RPS6KA2: variants seen among roughly 807,000 people sequenced by gnomAD.
RPS6KA2 encodes ribosomal protein S6 kinase alpha-2.
A neutral mutation model predicts 91.8 loss-of-function variants in RPS6KA2; 42 were observed. The observed-to-expected ratio is 0.46, with a 90% CI of 0.36 to 0.59. The LOEUF (loss-of-function observed/expected upper bound fraction) is 0.59. Ranked by LOEUF, RPS6KA2 falls within the 20% of genes least tolerant of loss-of-function variation. RPS6KA2 has a pLI of 0.00. For missense variants in RPS6KA2, 798 were observed against 978.5 expected, an observed-to-expected ratio of 0.82 and a Z score of 2.46; for synonymous variants, 414 against 393.6, an observed-to-expected ratio of 1.05 and a Z score of -0.61.
intron 2 of RPS6KA2, among the ~76,000 whole-genome samples, chr6:166,831,447 T>A (rs547091539): frequency 3.3e-5 from 5 of 152,086 alleles, no homozygotes; most frequent in Admixed American, 2.0e-4. Context: ...GCATGACACC[T>A]TCCCCCCTGC....
chr6:166,798,776 C>T (rs1393829983), intron 2 of RPS6KA2, among the ~76,000 whole-genome samples: 3 of 152,252 alleles, frequency 2.0e-5, no homozygotes, highest in African/African-American at 4.8e-5. Context: ...CTGCCCCCTT[C>T]TCCACAGACA....
At chr6:166,641,804 C>T (rs1438757108) in intron 2 of RPS6KA2, among the ~76,000 whole-genome samples, 3 of 98,606 alleles carry the variant, frequency 3.0e-5, no homozygotes, top group Non-Finnish European at 4.1e-5. Flanking sequence ...CAAAGTCCAA[C>T]AAAGAGTTGG....
chr6:166,602,300 T>C (rs984991086), intron 1 of RPS6KA2, among the ~76,000 whole-genome samples: 3 of 152,214 alleles, frequency 2.0e-5, no homozygotes, highest in Admixed American at 6.5e-5. Context: ...TTTGGTAACA[T>C]TTACTATAGT....
intron 2 of RPS6KA2, among the ~76,000 whole-genome samples, chr6:166,534,187 A>G (rs1583250996): frequency 1.4e-5 from 2 of 141,130 alleles, no homozygotes; most frequent in East Asian, 4.5e-4. Context: ...CAGCCACTGC[A>G]GTCCGGCCTG....
intron 1 of RPS6KA2, among the ~76,000 whole-genome samples, chr6:166,559,210 C>T (rs888752053): frequency 6.6e-6 from 1 of 152,110 alleles, no homozygotes; most frequent in African/African-American, 2.4e-5. Context: ...TGGAATATGA[C>T]ACACCAGAAC....
At chr6:166,543,604 CT>C (rs1783728574) in intron 1 of RPS6KA2, among the ~76,000 whole-genome samples, 1 of 152,188 alleles carries the variant, frequency 6.6e-6, no homozygotes, top group Non-Finnish European at 1.5e-5. Context: ...CCACCTCCCC[CT>C]CTTTCTGTGT....
chr6:166,782,734 G>T (rs1352957198), intron 2 of RPS6KA2, among the ~76,000 whole-genome samples: 2 of 152,164 alleles, frequency 1.3e-5, no homozygotes, highest in African/African-American at 4.8e-5. Flanking sequence ...CCTACCTGAC[G>T]TCAGAACTGT....
intron 1 of RPS6KA2, among the ~76,000 whole-genome samples, chr6:166,619,894 G>A (rs1048022696): frequency 1.4e-4 from 22 of 152,284 alleles, no homozygotes; most frequent in African/African-American, 5.3e-4. Context: ...TTAAGTAGTC[G>A]CTAGGGCATT....
At chr6:166,531,349 A>G in intron 2 of RPS6KA2, 36 bp from the exon 3 acceptor site, 1 of 1,514,052 alleles carries the variant, frequency 6.6e-7, no homozygotes, top group Admixed American at 1.7e-5. Context: ...GAAACCCGTA[A>G]GACTTCAAAC....
At position 166,448,730 on chromosome 6, in the gene RPS6KA2, G is replaced by A. The variant is rs768158727; in HGVS notation, c.1326C>T (p.Ala442=). ...CTCAGCAGGCCTGCCTTACCTTCAC[G>A]GCATACTCGGTGTCTGTGGCTTTAT... The part of the protein sequence containing the change: ...CVHKATDTEY[A]VKIIDKSKRD... Residue 442 remains alanine (A), a synonymous_variant, in exon 14 of 21, where the codon GCC becomes GCT. Coordinates refer to ENST00000265678, the MANE Select transcript of RPS6KA2 (RefSeq NM_021135.6). This position sits in a 1 kb window ranked among gnomAD's most constrained non-coding sequence, Gnocchi z 4.7. 9 of 1,611,186 alleles carry A rather than the reference G, an allele frequency of 5.6e-6. No individual in the cohort carries two copies. Among genetic ancestry groups the A allele is most frequent in the African/African-American group, 1.3e-5 (1 of 74,934 alleles).
At position 166,849,569 on chromosome 6, in the gene RPS6KA2, AC is replaced by A. The variant is rs1780686172; in HGVS notation, c.123+8630del. Among the ~76,000 whole-genome samples, 1 of 151,960 alleles carries A rather than the reference AC, an allele frequency of 6.6e-6. No individual in the cohort carries two copies. ...AGCTGACAGTGGAGGACCCCAGGCC[AC>A]CCCCGCCCGTGGAAATCCATGAGAC... On this transcript the variant is annotated intron_variant, in intron 2 of 21. Coordinates refer to the RPS6KA2 transcript ENST00000503859. This position sits in a 1 kb window ranked among gnomAD's most constrained non-coding sequence, Gnocchi z 4.9.
In RPS6KA2 at chr6:166,847,413, A is replaced by C. The variant is rs576353983; in HGVS notation, c.123+10787T>G. Among the ~76,000 whole-genome samples, 9 of 152,350 alleles carry C rather than the reference A, an allele frequency of 5.9e-5. No homozygotes were observed. The South Asian group carries it at 1.9e-3, about 32-fold the overall frequency. ...TCACAGAACTAGAAAAAACAATTCT[A>C]AAATTCATATGGAACCAAAAAAGAG... On this transcript the variant is annotated intron_variant, in intron 2 of 21. Transcript: ENST00000503859.
chr6:166,664,641 A>G (rs1021337875), intron 2 of RPS6KA2, among the ~76,000 whole-genome samples: 4 of 152,268 alleles, frequency 2.6e-5, no homozygotes, highest in Non-Finnish European at 5.9e-5. Flanking sequence ...GAATGGTAAC[A>G]TAAACAAATT....
At chr6:166,649,512 T>C (rs1415242604) in intron 2 of RPS6KA2, among the ~76,000 whole-genome samples, 6 of 152,196 alleles carry the variant, frequency 3.9e-5, no homozygotes, top group Non-Finnish European at 5.9e-5. Flanking sequence ...TCATGGTATA[T>C]AGATTTCCAG....
chr6:166,784,983 C>G (rs1358252449), intron 2 of RPS6KA2, among the ~76,000 whole-genome samples: 1 of 152,220 alleles, frequency 6.6e-6, no homozygotes, highest in East Asian at 1.9e-4. Context: ...CAGGAAAATC[C>G]CCAGCTTGCC....
chr6:166,524,779 A>G (rs566366769), intron 3 of RPS6KA2, among the ~76,000 whole-genome samples: 1 of 152,266 alleles, frequency 6.6e-6, no homozygotes, highest in African/African-American at 2.4e-5. Flanking sequence ...AATACAACCT[A>G]TCCCACTTTC....
At position 166,844,753 on chromosome 6, in the gene RPS6KA2, C is replaced by G. The variant is rs200627748; in HGVS notation, c.123+13447G>C. ...ATTTGCCACTACCAAGCCAGCACTA[C>G]GAGAACTGCTAGAAGGAGCCCTAAA... On this transcript the variant is annotated intron_variant, in intron 2 of 21. Coordinates refer to the RPS6KA2 transcript ENST00000503859. Among the ~76,000 whole-genome samples the G allele has an allele frequency of 2.4e-4, 37 of 152,278 alleles. No individual in the cohort carries two copies. The East Asian group carries it at 5.2e-3, about 21-fold the overall frequency.
intron 2 of RPS6KA2, among the ~76,000 whole-genome samples, chr6:166,721,702 G>T (rs1039289946): frequency 6.6e-6 from 1 of 152,198 alleles, no homozygotes; most frequent in Non-Finnish European, 1.5e-5. Context: ...GCTGCTTCAG[G>T]AGCATTTCAC....
intron 10 of RPS6KA2, among the ~76,000 whole-genome samples, chr6:166,478,871 T>A (rs914433965): frequency 1.3e-5 from 2 of 152,184 alleles, no homozygotes; most frequent in Non-Finnish European, 2.9e-5. Flanking sequence ...TACTTCACGA[T>A]GTCGGTGCTG....
Sources: allele counts gnomAD v4.1 joint callset (sites outside exome capture counted in the v4.1 genomes callset), GRCh38; gene constraint gnomAD v4.1.1; non-coding constraint Gnocchi (gnomAD v3.1); transcripts MANE v1.5; gene names NCBI Gene and HGNC (gene_info 2026-07-23, HGNC 2026-07-21).